PCDH7: variants seen among roughly 807,000 people sequenced by gnomAD.
PCDH7 encodes protocadherin 7.
Under a neutral mutation model 58.9 loss-of-function variants are expected in PCDH7, and 17 were observed. The observed-to-expected ratio is 0.29, with a 90% confidence interval of 0.20 to 0.43. The LOEUF is 0.43. Ranked by LOEUF, PCDH7 falls within the 20% of genes least tolerant of loss-of-function variation. The probability of loss-of-function intolerance (pLI) is 1.00; values close to 1 mark genes in which losing one functional copy is unlikely to be tolerated. For missense variants in PCDH7, 1,274 were observed against 1,441.0 expected (o/e 0.88, Z 1.88); for synonymous variants, 664 against 616.4 (o/e 1.08, Z -1.14).
At chr4:31,092,342 T>A (rs1490645346) in intron 3 of PCDH7, among the ~76,000 whole-genome samples, 1 of 151,938 alleles carries the variant, frequency 6.6e-6, no homozygotes, top group African/African-American at 2.4e-5. Flanking sequence ...AACTGAGGAA[T>A]TAGAAAAAGC....
At position 30,721,412 on chromosome 4, in the gene PCDH7, A is replaced by T; in HGVS notation, c.-11A>T. 1 of 1,485,192 alleles carries T rather than the reference A, an allele frequency of 6.7e-7. No homozygotes were observed. Among genetic ancestry groups the T allele is most frequent in the Non-Finnish European group, 8.9e-7 (1 of 1,119,794 alleles). The allele number at this position is 1,485,192 out of a possible 1,614,324, so 92.0% of individuals were successfully genotyped here. A position where few individuals can be genotyped will look rare whatever the true frequency, so the allele number is the denominator to read the frequency against. On this transcript the variant is annotated 5_prime_UTR_variant, in exon 1 of 2. Transcript: ENST00000361762. This position sits in a 1 kb window ranked among gnomAD's most constrained non-coding sequence, Gnocchi z 6.7. Reference sequence around the variant, plus strand: ...GGTTAGAAGGAGCAGTAGCAGCAGCAGCAGGAGAAGATGCTGAGGATGCGG... The same window carrying T: ...GGTTAGAAGGAGCAGTAGCAGCAGCTGCAGGAGAAGATGCTGAGGATGCGG...
intron 1 of PCDH7, among the ~76,000 whole-genome samples, chr4:30,824,085 T>C (rs1309857988): frequency 5.0e-5 from 1 of 20,066 alleles, no homozygotes; most frequent in African/African-American, 2.5e-4. Context: ...TTTCTTTTCT[T>C]TCTTTCTTTC....
intron 3 of PCDH7, among the ~76,000 whole-genome samples, chr4:31,098,877 A>C (rs2201945): frequency 0.38 from 58,133 of 151,924 alleles, 12,637 homozygotes; most frequent in African/African-American, 0.6. Flanking sequence ...AAGGTTGAGC[A>C]GGTTTGGTTT....
chr4:31,094,392 A>C (rs1002370963), intron 3 of PCDH7, among the ~76,000 whole-genome samples: 1 of 152,184 alleles, frequency 6.6e-6, no homozygotes, highest in Non-Finnish European at 1.5e-5. Flanking sequence ...TGGCTATTAC[A>C]TAAGGACATC....
intron 3 of PCDH7, among the ~76,000 whole-genome samples, chr4:31,073,926 C>A (rs1283334205): frequency 1.3e-5 from 2 of 152,022 alleles, no homozygotes; most frequent in Non-Finnish European, 2.9e-5. Flanking sequence ...ACTTTGTCTC[C>A]TATTATTCTC....
chr4:30,962,965 C>T lies in PCDH7; in HGVS notation c.*7+12750C>T, dbSNP rs536454443. Reference sequence around the variant, plus strand: ...GGCTTTCACCAGGAAGGTAACAAGCCTGAGGAATAAGTCACATTGTCATCA... The same window carrying T: ...GGCTTTCACCAGGAAGGTAACAAGCTTGAGGAATAAGTCACATTGTCATCA... On this transcript the variant is annotated intron_variant, in intron 3 of 3. Coordinates refer to the PCDH7 transcript ENST00000509759. Among the ~76,000 whole-genome samples, 23 of 152,128 alleles carry T rather than the reference C, an allele frequency of 1.5e-4. 1 individual carries two copies. The South Asian group carries it at 4.3e-3, about 29-fold the overall frequency.
intron 1 of PCDH7, among the ~76,000 whole-genome samples, chr4:30,748,517 T>A (rs990642636): frequency 6.6e-6 from 1 of 152,166 alleles, no homozygotes; most frequent in Non-Finnish European, 1.5e-5. Flanking sequence ...CTCATTCTTT[T>A]TATCAGGGTC....
chr4:30,983,964 T>C (rs1253309715), intron 3 of PCDH7, among the ~76,000 whole-genome samples: 1 of 152,212 alleles, frequency 6.6e-6, no homozygotes, highest in Non-Finnish European at 1.5e-5. Flanking sequence ...ACAAAAAGCA[T>C]TCCACACTTC....
chr4:31,102,725 T>C (rs1393205467), intron 3 of PCDH7, among the ~76,000 whole-genome samples: 1 of 151,970 alleles, frequency 6.6e-6, no homozygotes, highest in African/African-American at 2.4e-5. Flanking sequence ...ATCAGGATTA[T>C]AGTCAAGTAT....
chr4:30,940,040 A>C (rs1745833785), intron 2 of PCDH7, among the ~76,000 whole-genome samples: 1 of 151,954 alleles, frequency 6.6e-6, no homozygotes, highest in Non-Finnish European at 1.5e-5. Flanking sequence ...ACGTGCCTGA[A>C]ATCTAAGATC....
At chr4:30,867,525 A>AT (rs1189716448) in intron 1 of PCDH7, among the ~76,000 whole-genome samples, 2 of 151,920 alleles carry the variant, frequency 1.3e-5, no homozygotes, top group Non-Finnish European at 2.9e-5. Flanking sequence ...CCTAACCATC[A>AT]TTTTTTTCTC....
chr4:30,853,522 A>G (rs928466659), intron 1 of PCDH7, among the ~76,000 whole-genome samples: 4 of 152,108 alleles, frequency 2.6e-5, no homozygotes, highest in Admixed American at 1.3e-4. Context: ...GTTTTAACGT[A>G]GCAACCCTAT....
intron 3 of PCDH7, among the ~76,000 whole-genome samples, chr4:31,122,980 C>T (rs927312725): frequency 6.6e-6 from 1 of 151,904 alleles, no homozygotes; most frequent in Non-Finnish European, 1.5e-5. Flanking sequence ...AAATCATTAA[C>T]TTTTGTACAC....
chr4:31,056,450 G>GAA (rs1393928358), intron 3 of PCDH7, among the ~76,000 whole-genome samples: 5 of 74,746 alleles, frequency 6.7e-5, no homozygotes, highest in Non-Finnish European at 1.0e-4. Context: ...AGGAAAGAAA[G>GAA]AAAGAAAGAA....
At chr4:30,730,930 T>C in exon 2 of PCDH7, 1 of 1,340,180 alleles carries the variant, frequency 7.5e-7, no homozygotes, top group Non-Finnish European at 9.6e-7. Flanking sequence ...TTTTTGAGTC[T>C]TTTTCTTTCT....
chr4:31,022,576 G>T (rs1317530071), intron 3 of PCDH7, among the ~76,000 whole-genome samples: 1 of 152,100 alleles, frequency 6.6e-6, no homozygotes, highest in African/African-American at 2.4e-5. Context: ...CCACATAAAT[G>T]TCAAAAAGAG....
intron 1 of PCDH7, among the ~76,000 whole-genome samples, chr4:30,815,070 T>C (rs142264889): frequency 2.4e-4 from 36 of 152,222 alleles, no homozygotes; most frequent in Admixed American, 2.3e-3. Flanking sequence ...TTGTAAGTTA[T>C]ACAACGGATA....
At chr4:31,142,367 T>C in intron 3 of PCDH7, 106 bp from the exon 3 acceptor site, 1 of 1,042,228 alleles carries the variant, frequency 9.6e-7, no homozygotes, top group Middle Eastern at 4.0e-4. Flanking sequence ...AAATGAGAAA[T>C]AAGATGGTAA....
intron 1 of PCDH7, among the ~76,000 whole-genome samples, chr4:30,826,991 T>TA (rs1729172698): frequency 6.6e-6 from 1 of 152,138 alleles, no homozygotes; most frequent in South Asian, 2.1e-4. Flanking sequence ...TCTAGATTTT[T>TA]CTCTTATGTT....
Sources: allele counts gnomAD v4.1 joint callset (sites outside exome capture counted in the v4.1 genomes callset), GRCh38; gene constraint gnomAD v4.1.1; non-coding constraint Gnocchi (gnomAD v3.1); transcripts MANE v1.5; gene names NCBI Gene and HGNC (gene_info 2026-07-23, HGNC 2026-07-21).